NAV2: variants seen among roughly 807,000 people sequenced by gnomAD.
The protein encoded by NAV2 is helicase, APC down-regulated 1.
A neutral mutation model predicts 223.2 loss-of-function variants in NAV2; 54 were observed. The observed-to-expected ratio is 0.24, with a 90% CI of 0.19 to 0.30. The LOEUF is 0.30. Among genes scored for constraint, NAV2 ranks in the 10% least tolerant of loss-of-function variants. NAV2 has a pLI of 1.00. For synonymous variants in NAV2, 1,279 were observed against 1,239.3 expected, an observed-to-expected ratio of 1.03 and a Z score of -0.67; for missense variants, 2,806 against 3,147.5, an observed-to-expected ratio of 0.89 and a Z score of 2.60.
chr11:20,086,051 A>G (rs1453371206), intron 26 of NAV2, among the ~76,000 whole-genome samples: 1 of 152,208 alleles, frequency 6.6e-6, no homozygotes, highest in Non-Finnish European at 1.5e-5. Flanking sequence ...TCTGAAAGAG[A>G]GAGGGATGGA....
In NAV2 at chr11:19,386,011, G is replaced by T. The variant is rs11025110; in HGVS notation, c.75+34984G>T. 2.6e-5 allele frequency among the ~76,000 whole-genome samples: 4 copies of T among 152,084 alleles called. No homozygotes were observed. The East Asian group carries it at 5.8e-4, about 22-fold the overall frequency. On this transcript the variant is annotated intron_variant, in intron 1 of 37. Coordinates refer to the NAV2 transcript ENST00000360655. ...GATCTCCTGACCTCATGATCCACCC[G>T]CCCTGGCCTCCCAAAGTGCTGGGAT... is the stretch of plus-strand genomic sequence containing the variant.
intron 1 of NAV2, among the ~76,000 whole-genome samples, chr11:19,502,505 A>C (rs1445852041): frequency 6.6e-6 from 1 of 152,200 alleles, no homozygotes; most frequent in Non-Finnish European, 1.5e-5. Flanking sequence ...ATGAAGCAGA[A>C]AAATGGGGCT....
intron 1 of NAV2, among the ~76,000 whole-genome samples, chr11:19,813,246 A>T (rs776584648): frequency 6.6e-6 from 1 of 152,082 alleles, no homozygotes; most frequent in Non-Finnish European, 1.5e-5. Context: ...AGCTCTGAGG[A>T]TGATTGTCAA....
chr11:20,100,595 T>C (rs2153698303), intron 31 of NAV2, among the ~76,000 whole-genome samples: 1 of 143,838 alleles, frequency 7.0e-6, no homozygotes, highest in African/African-American at 2.6e-5. Flanking sequence ...GTGTGTGTAG[T>C]AAGTATAGTA....
intron 5 of NAV2, chr11:19,884,191 A>G: frequency 1.2e-6 from 1 of 808,230 alleles, no homozygotes; most frequent in South Asian, 1.8e-5. Context: ...GGGGAAAGAA[A>G]CAGCAACATC....
At chr11:19,760,444 T>G (rs1445784393) in intron 1 of NAV2, among the ~76,000 whole-genome samples, 1 of 152,188 alleles carries the variant, frequency 6.6e-6, no homozygotes, top group Non-Finnish European at 1.5e-5. Context: ...CAGGGGAGAA[T>G]GCAGGCATGT....
chr11:19,412,546 A>G (rs1430505089), intron 1 of NAV2, among the ~76,000 whole-genome samples: 2 of 152,182 alleles, frequency 1.3e-5, no homozygotes, highest in African/African-American at 4.8e-5. Context: ...AGAGCAGTGG[A>G]TCTCCCAGCA....
intron 1 of NAV2, among the ~76,000 whole-genome samples, chr11:19,816,407 G>A (rs2059092379): frequency 6.6e-6 from 1 of 152,250 alleles, no homozygotes; most frequent in South Asian, 2.1e-4. Flanking sequence ...GAGGGCCATG[G>A]CCATTTATGA....
intron 11 of NAV2, among the ~76,000 whole-genome samples, chr11:20,009,962 A>T (rs2053429080): frequency 6.6e-6 from 1 of 151,622 alleles, no homozygotes; most frequent in African/African-American, 2.4e-5. Flanking sequence ...TACCAAATAC[A>T]TCCTATTATA....
chr11:20,046,101 C>T (rs1411079776), intron 14 of NAV2, among the ~76,000 whole-genome samples: 1 of 152,082 alleles, frequency 6.6e-6, no homozygotes, highest in Non-Finnish European at 1.5e-5. Context: ...TTTGGGAGGC[C>T]AAGGCGGGCA....
chr11:20,007,637 C>T (rs2053197762), intron 11 of NAV2, among the ~76,000 whole-genome samples: 1 of 152,230 alleles, frequency 6.6e-6, no homozygotes, highest in Non-Finnish European at 1.5e-5. Context: ...GACAGGTTGG[C>T]TGGGGGACAA....
intron 1 of NAV2, among the ~76,000 whole-genome samples, chr11:19,577,930 A>G (rs186475649): frequency 6.6e-6 from 1 of 152,200 alleles, no homozygotes; most frequent in Non-Finnish European, 1.5e-5. Context: ...GGCGCCCAAA[A>G]TAGACTCAAA....
intron 1 of NAV2, among the ~76,000 whole-genome samples, chr11:19,605,906 A>T (rs1226012590): frequency 6.6e-6 from 1 of 152,168 alleles, no homozygotes; most frequent in Non-Finnish European, 1.5e-5. Context: ...CCCGCTGCTC[A>T]TCGATGAGGA....
chr11:19,961,926 T>C (rs1365047773), intron 10 of NAV2, among the ~76,000 whole-genome samples: 1 of 151,970 alleles, frequency 6.6e-6, no homozygotes, highest in Non-Finnish European at 1.5e-5. Flanking sequence ...TTAGTCAAGG[T>C]TCTCCAGAGA....
intron 1 of NAV2, among the ~76,000 whole-genome samples, chr11:19,446,571 T>A (rs1162457750): frequency 6.6e-6 from 1 of 152,160 alleles, no homozygotes; most frequent in African/African-American, 2.4e-5. Flanking sequence ...GAGCTCCTTC[T>A]AGCCTGCCAG....
chr11:19,547,733 T>C (rs1346878442), intron 1 of NAV2, among the ~76,000 whole-genome samples: 1 of 152,230 alleles, frequency 6.6e-6, no homozygotes, highest in Non-Finnish European at 1.5e-5. Context: ...CTAAGACTTG[T>C]ACTTTCAGGG....
At chr11:19,719,868 G>A (rs1195519537) in intron 1 of NAV2, among the ~76,000 whole-genome samples, 1 of 152,220 alleles carries the variant, frequency 6.6e-6, no homozygotes, top group Admixed American at 6.5e-5. Flanking sequence ...CAAGCTGAGG[G>A]ATCCGCTACA....
chr11:19,855,106 A>C (rs1251687109), intron 3 of NAV2, among the ~76,000 whole-genome samples: 1 of 152,206 alleles, frequency 6.6e-6, no homozygotes, highest in Non-Finnish European at 1.5e-5. Context: ...TCCCCATCTG[A>C]AAAATGATAA....
At chr11:19,570,472 TA>T (rs1054989905) in intron 1 of NAV2, among the ~76,000 whole-genome samples, 1 of 152,200 alleles carries the variant, frequency 6.6e-6, no homozygotes, top group Non-Finnish European at 1.5e-5. Context: ...TTATCAAAAT[TA>T]AAAACTTTTC....
Sources: gnomAD v4.1 joint callset for allele counts (sites outside exome capture counted in the v4.1 genomes callset) on GRCh38, gnomAD v4.1.1 for gene constraint, MANE v1.5 for transcripts, NCBI Gene and HGNC (gene_info 2026-07-23, HGNC 2026-07-21) for gene names.